The following NUP58 variants were observed in gnomAD, a reference collection of about 807,000 sequenced individuals.
NUP58 encodes the protein nucleoporin 58.
In NUP58, 17 loss-of-function variants were observed where a neutral mutation model predicts 70.1. The observed-to-expected ratio is 0.24, with a 90% CI of 0.17 to 0.36. NUP58 has a LOEUF of 0.36. Among genes scored for constraint, NUP58 ranks in the 10% least tolerant of loss-of-function variants. NUP58 has a pLI of 1.00. For missense variants in NUP58, 644 were observed against 701.5 expected (o/e 0.92, Z 0.93); for synonymous variants, 275 against 257.6 (o/e 1.07, Z -0.65).
At position 25,338,645 on chromosome 13, in the gene NUP58, C is replaced by G. The variant is rs973148247; in HGVS notation, c.1544C>G (p.Thr515Ser). The change falls in exon 15 of 16, where the codon ACT (threonine) becomes AGT (serine). Residue 515 changes from threonine (T) to serine (S), a missense_variant. Coordinates refer to ENST00000381736, the MANE Select transcript of NUP58 (RefSeq NM_014089.4). ...ATTACCCTTCCACTAGGATTTGGAACTAGCTCTGGTTTTGGATGCAGCACC... is the reference window on the plus strand; with the variant it reads ...ATTACCCTTCCACTAGGATTTGGAAGTAGCTCTGGTTTTGGATGCAGCACC... ...LGSSNLGGFGTSSGFGCSTTG... is the reference protein window; with the variant it reads ...LGSSNLGGFGSSSGFGCSTTG... 6.8e-6 allele frequency: 11 copies of G among 1,612,990 alleles called. No individual in the cohort carries two copies. The highest frequency in any genetic ancestry group is 3.3e-5 in the Admixed American group (2 of 59,954).
chr13:25,324,969 T>TTA lies in NUP58; in HGVS notation c.952-20_952-19insTA, dbSNP rs2031337267. On this transcript the variant is annotated intron_variant, in intron 9 of 15. Coordinates refer to ENST00000381736, the MANE Select transcript of NUP58 (RefSeq NM_014089.4). ...CTTAACTGGCTTTTTTTTTTTTTTTTAAATCCTCTGGTATATTAGGAGTTG... is the reference window on the plus strand; with the variant it reads ...CTTAACTGGCTTTTTTTTTTTTTTTTTAAAATCCTCTGGTATATTAGGAGTTG... The TTA allele has an allele frequency of 4.2e-6, 6 of 1,442,162 alleles. No homozygotes were observed. The highest frequency in any genetic ancestry group is 2.5e-5 in the South Asian group (2 of 80,250). The allele number at this position is 1,442,162 out of a possible 1,614,324, so 89.3% of individuals were successfully genotyped here. A position where few individuals can be genotyped will look rare whatever the true frequency, so the allele number is the denominator to read the frequency against.
chr13:25,304,478 TTATATATATATATATATATATATATA>T lies in NUP58; in HGVS notation c.107+2612_107+2637del, dbSNP rs67019897. Among the ~76,000 whole-genome samples the T allele has an allele frequency of 4.5e-3, 373 of 83,434 alleles. 8 individuals carry two copies. The highest frequency in any genetic ancestry group is 0.04 in the South Asian group (94 of 2,336). The allele number at this position is 83,434 out of a possible 152,430, so 54.7% of individuals were successfully genotyped here. ...AATGTCTTCAGTTATGTTGTCAAGA[TTATATATATATATATATATATATATA>T]TATATATATATATGTATTTTTTTTT... On this transcript the variant is annotated intron_variant, in intron 1 of 15. Coordinates refer to ENST00000381736, the MANE Select transcript of NUP58 (RefSeq NM_014089.4).
At position 25,301,814 on chromosome 13, in the gene NUP58, C is replaced by G. The variant is rs533498614; in HGVS notation, c.41C>G (p.Ser14Cys). The change falls in exon 1 of 16, where the codon TCC (serine) becomes TGC (cysteine). Residue 14 changes from serine (S) to cysteine (C), a missense_variant. By Grantham distance (112) the Ser-to-Cys change is moderately radical. Transcript: ENST00000381736. ...TCCTTCGGGTCCGGGACTCTGGGCT[C>G]CACCACCGTGGCCGCCGGCGGGACC... ...GFSFGSGTLG[S>C]TTVAAGGTST... 6.2e-7 allele frequency: 1 copy of G among 1,613,694 alleles called. No homozygotes were observed. Among genetic ancestry groups the G allele is most frequent in the Non-Finnish European group, 8.5e-7 (1 of 1,179,872 alleles).
intron 13 of NUP58, chr13:25,336,151 T>C: frequency 7.5e-7 from 1 of 1,338,516 alleles, no homozygotes; most frequent in South Asian, 1.2e-5. Flanking sequence ...ATCTTGAATG[T>C]ATTGAATCTG....
intron 13 of NUP58, chr13:25,333,056 G>C (rs1007951297): frequency 1.6e-4 from 154 of 984,714 alleles, no homozygotes; most frequent in Non-Finnish European, 1.8e-4. Flanking sequence ...TATATAAAAA[G>C]TTATGTTGTA....
chr13:25,313,350 G>T (rs1320161356), intron 4 of NUP58, among the ~76,000 whole-genome samples: 1 of 152,140 alleles, frequency 6.6e-6, no homozygotes, highest in Non-Finnish European at 1.5e-5. Context: ...GAAGTTGGTG[G>T]CCTGGGTTGA....
intron 13 of NUP58, chr13:25,334,886 C>T: frequency 1.0e-6 from 1 of 984,520 alleles, no homozygotes; most frequent in South Asian, 4.7e-5. Context: ...TGGTATATAT[C>T]ACTACAAACT....
At chr13:25,334,585 A>G in intron 13 of NUP58, 1 of 984,936 alleles carries the variant, frequency 1.0e-6, no homozygotes, top group Non-Finnish European at 1.2e-6. Context: ...AAAATTTTTC[A>G]AACTGGGGAA....
chr13:25,333,298 T>C (rs957309968), intron 13 of NUP58: 1 of 985,262 alleles, frequency 1.0e-6, no homozygotes, highest in Non-Finnish European at 1.2e-6. Context: ...AATATAGATT[T>C]TGTCTTTGCC....
At position 25,321,065 on chromosome 13, in the gene NUP58, T is replaced by C. The variant is rs2031162140; in HGVS notation, c.923T>C (p.Ile308Thr). The change falls in exon 9 of 16, where the codon ATT becomes ACT. Residue 308 changes from isoleucine (I) to threonine (T), a missense_variant. This residue lies in a region of NUP58 where 430 missense variants were observed against 409.2 expected (regional missense o/e 1.05). Coordinates refer to ENST00000381736, the MANE Select transcript of NUP58 (RefSeq NM_014089.4). ...GGAATACAGAGAAACACTCTCAACA[T>C]TGACAAATTGAAAATAGAAACTGCT... is the stretch of plus-strand genomic sequence containing the variant. ...ANGIQRNTLN[I>T]DKLKIETAQE... is the part of the protein sequence containing the mutation. 2.5e-6 allele frequency: 4 copies of C among 1,588,464 alleles called. No individual in the cohort carries two copies. Among genetic ancestry groups the C allele is most frequent in the Admixed American group, 1.9e-5 (1 of 53,026 alleles).
At chr13:25,335,372 G>T in intron 13 of NUP58, 1 of 985,320 alleles carries the variant, frequency 1.0e-6, no homozygotes, top group Middle Eastern at 5.2e-4. Context: ...TTATTCTTTA[G>T]GGTCTTCCAC....
In NUP58 at chr13:25,337,097, TAAAAA is replaced by T. The variant is rs942209028; in HGVS notation, c.1534+68_1534+72del. ...ATATATTTGAATTGATACTAGCCTG[TAAAAA>T]AAAATTTCTAAGAGAATCTCCTGCT... On this transcript the variant is annotated intron_variant, in intron 14 of 15. Transcript: ENST00000381736. 2.7e-5 allele frequency: 29 copies of T among 1,079,082 alleles called. No homozygotes were observed. The African/African-American group carries it at 3.8e-4, about 14-fold the overall frequency. The allele number at this position is 1,079,082 out of a possible 1,614,324, so 66.8% of individuals were successfully genotyped here. A position where few individuals can be genotyped will look rare whatever the true frequency, so the allele number is the denominator to read the frequency against.
chr13:25,301,833 C>T lies in NUP58; in HGVS notation c.60C>T (p.Gly20=), dbSNP rs1350341248. ...TGGGCTCCACCACCGTGGCCGCCGG[C>T]GGGACCAGCACAGGCGGCGTTTTCT... ...GTLGSTTVAA[G]GTSTGGVFSF... is the part of the protein sequence containing the mutation. Residue 20 remains glycine, a synonymous_variant, in exon 1 of 16, where the codon GGC becomes GGT. Coordinates refer to ENST00000381736, the MANE Select transcript of NUP58 (RefSeq NM_014089.4). The T allele has an allele frequency of 1.9e-6, 3 of 1,613,428 alleles. No individual in the cohort carries two copies. Among genetic ancestry groups the T allele is most frequent in the Non-Finnish European group, 2.5e-6 (3 of 1,179,830 alleles).
chr13:25,335,073 ATTTATCATGAGTTTTTAC>A, intron 13 of NUP58: 2 of 985,088 alleles, frequency 2.0e-6, no homozygotes, highest in Non-Finnish European at 2.4e-6. Context: ...CATGGGAGAT[ATTTATCATGAGTTTTTAC>A]TATTAAAAAA....
Position 25,327,434 on chromosome 13 carries a change from G to C in NUP58, c.1155G>C (p.Leu385Phe). ...TAATGTAATTTTCTTTTATAGATTT[G>C]TCAATGGCTATGCAGAAAATTTATC... ...ANNSHITPQD[L>F]SMAMQKIYQT... is the part of the protein sequence containing the mutation. The change falls in exon 12 of 16, where the codon TTG (leucine) becomes TTC (phenylalanine). Residue 385 changes from leucine (L) to phenylalanine (F), a missense_variant. Physicochemically the swap from Leu to Phe is conservative, Grantham distance 22 (BLOSUM62 0). Coordinates refer to ENST00000381736, the MANE Select transcript of NUP58 (RefSeq NM_014089.4). 6.3e-7 allele frequency: 1 copy of C among 1,596,038 alleles called. No individual in the cohort carries two copies. Among genetic ancestry groups the C allele is most frequent in the Non-Finnish European group, 8.6e-7 (1 of 1,165,740 alleles).
intron 3 of NUP58, chr13:25,310,029 CTTG>C (rs748352488): frequency 1.1e-4 from 42 of 399,864 alleles, no homozygotes; most frequent in African/African-American, 8.8e-4. Flanking sequence ...AGTGAATCTT[CTTG>C]TTTTCTTTTT....
At chr13:25,312,456 C>G (rs891882686) in intron 3 of NUP58, among the ~76,000 whole-genome samples, 1 of 152,228 alleles carries the variant, frequency 6.6e-6, no homozygotes. Context: ...CAACCTCCCC[C>G]TCCCAGGTTC....
At chr13:25,334,006 GGAA>G in intron 13 of NUP58, 5 of 985,256 alleles carry the variant, frequency 5.1e-6, no homozygotes, top group Non-Finnish European at 6.0e-6. Flanking sequence ...CAGAGGAGGA[GGAA>G]TAGACTTAAA....
intron 13 of NUP58, chr13:25,335,253 T>C (rs1160455797): frequency 1.0e-6 from 1 of 985,190 alleles, no homozygotes; most frequent in African/African-American, 1.7e-5. Context: ...ATATTGATGA[T>C]TAGAAAAATC....
Sources: allele counts gnomAD v4.1 joint callset (sites outside exome capture counted in the v4.1 genomes callset), GRCh38; gene constraint gnomAD v4.1.1; regional missense constraint gnomAD v4.1.1; transcripts MANE v1.5; gene names NCBI Gene and HGNC (gene_info 2026-07-23, HGNC 2026-07-21).